The following ERBB4 variants were observed in gnomAD, a reference collection of about 807,000 sequenced individuals.
ERBB4 encodes erb-b2 receptor tyrosine kinase 4.
In ERBB4, 42 loss-of-function variants were observed where a neutral mutation model predicts 158.0. The ratio of observed to expected loss-of-function variants is 0.27; its 90% CI spans 0.21 to 0.34. ERBB4 has a LOEUF of 0.34. ERBB4 is among the 10% of genes least tolerant of loss of function. ERBB4 has a pLI of 1.00. For missense variants in ERBB4, 1,333 were observed against 1,624.1 expected (o/e 0.82, Z 3.08); for synonymous variants, 583 against 558.7 (o/e 1.04, Z -0.61).
At chr2:212,142,560 G>T (rs942636754) in intron 1 of ERBB4, among the ~76,000 whole-genome samples, 1 of 146,716 alleles carries the variant, frequency 6.8e-6, no homozygotes, top group South Asian at 2.1e-4. Flanking sequence ...ACTCAGAAAA[G>T]GTCAAACAGT....
intron 1 of ERBB4, among the ~76,000 whole-genome samples, chr2:212,366,130 C>A (rs1266000331): frequency 6.6e-6 from 1 of 151,768 alleles, no homozygotes; most frequent in African/African-American, 2.4e-5. Context: ...ATTTGATTGG[C>A]AAAATCTGCT....
At chr2:212,183,100 G>A (rs1042544754) in intron 1 of ERBB4, among the ~76,000 whole-genome samples, 4 of 151,856 alleles carry the variant, frequency 2.6e-5, no homozygotes, top group Non-Finnish European at 4.4e-5. Context: ...AAGTTAAAAC[G>A]ATGTTTTAAG....
At chr2:211,853,157 T>A (rs2077760140) in intron 3 of ERBB4, among the ~76,000 whole-genome samples, 1 of 151,988 alleles carries the variant, frequency 6.6e-6, no homozygotes. Flanking sequence ...AGCTTCCCAA[T>A]GCTTATATGG....
intron 3 of ERBB4, among the ~76,000 whole-genome samples, chr2:211,821,704 G>A (rs557922783): frequency 6.6e-6 from 1 of 152,024 alleles, no homozygotes; most frequent in African/African-American, 2.4e-5. Context: ...ATTAATTCAT[G>A]TATCTACAGC....
chr2:211,942,441 C>T (rs192017300), intron 3 of ERBB4, among the ~76,000 whole-genome samples: 53 of 151,910 alleles, frequency 3.5e-4, no homozygotes, highest in African/African-American at 1.2e-3. Flanking sequence ...ACTGCAGCCT[C>T]GACCTTCCAG....
intron 1 of ERBB4, among the ~76,000 whole-genome samples, chr2:212,446,577 C>A (rs1207260151): frequency 2.8e-4 from 10 of 36,058 alleles, no homozygotes; most frequent in South Asian, 2.0e-3. Flanking sequence ...TAATAAACTC[C>A]CATATATATA....
chr2:211,955,498 T>C (rs768908118), intron 2 of ERBB4, among the ~76,000 whole-genome samples: 5 of 152,136 alleles, frequency 3.3e-5, no homozygotes, highest in Non-Finnish European at 7.4e-5. Flanking sequence ...ATAGACTTAT[T>C]ACACTAGAGT....
chr2:212,402,673 G>T (rs188380501), intron 1 of ERBB4, among the ~76,000 whole-genome samples: 1 of 151,968 alleles, frequency 6.6e-6, no homozygotes, highest in East Asian at 1.9e-4. Context: ...CTCTTAAAAT[G>T]TTCAATTAAA....
chr2:212,052,583 C>G (rs1240434675), intron 2 of ERBB4, among the ~76,000 whole-genome samples: 1 of 152,176 alleles, frequency 6.6e-6, no homozygotes, highest in East Asian at 1.9e-4. Flanking sequence ...AAATGTGAAA[C>G]CAGCCCAGTT....
intron 2 of ERBB4, among the ~76,000 whole-genome samples, chr2:212,015,335 C>T (rs547948920): frequency 6.6e-6 from 1 of 151,850 alleles, no homozygotes; most frequent in Non-Finnish European, 1.5e-5. Flanking sequence ...CAACAGAGAT[C>T]TTTTTCTAAA....
At chr2:211,526,108 G>T (rs2066341419) in intron 20 of ERBB4, among the ~76,000 whole-genome samples, 1 of 152,106 alleles carries the variant, frequency 6.6e-6, no homozygotes, top group South Asian at 2.1e-4. Context: ...AACATAGGTG[G>T]TAACAAGGTA....
chr2:212,472,583 A>G (rs73989013), intron 1 of ERBB4, among the ~76,000 whole-genome samples: 10,840 of 151,862 alleles, frequency 0.071, 905 homozygotes, highest in African/African-American at 0.2. Context: ...AAATGCAGAG[A>G]GGTAGAAAGT....
intron 4 of ERBB4, among the ~76,000 whole-genome samples, chr2:211,773,616 A>G (rs1334550940): frequency 5.8e-5 from 3 of 52,108 alleles, no homozygotes; most frequent in Admixed American, 3.1e-4. Flanking sequence ...ATATATATAT[A>G]TATATATATA....
chr2:211,850,989 TCTGC>T (rs1188128679), intron 3 of ERBB4, among the ~76,000 whole-genome samples: 2 of 152,022 alleles, frequency 1.3e-5, no homozygotes, highest in Non-Finnish European at 2.9e-5. Flanking sequence ...TTGACTCTGC[TCTGC>T]CTGATAGTCA....
At position 211,377,362 on chromosome 2, in the gene ERBB4, C is replaced by T. The variant is rs1574492053; in HGVS notation, c.*6253G>A. On this transcript the variant is annotated 3_prime_UTR_variant, in exon 28 of 28. Transcript: ENST00000342788. ...TTTGGACAAGTTAGACTATTGCCTACAGGTATGAATCTTTGTTTTCCTATA... is the reference window on the plus strand; with the variant it reads ...TTTGGACAAGTTAGACTATTGCCTATAGGTATGAATCTTTGTTTTCCTATA... 1 of 233,018 alleles carries T rather than the reference C, an allele frequency of 4.3e-6. No individual in the cohort carries two copies. Among genetic ancestry groups the T allele is most frequent in the East Asian group, 6.1e-5 (1 of 16,510 alleles). The allele number at this position is 233,018 out of a possible 1,614,324, so 14.4% of individuals were successfully genotyped here.
intron 12 of ERBB4, among the ~76,000 whole-genome samples, chr2:211,681,653 A>G (rs115185774): frequency 0.028 from 4,298 of 152,132 alleles, 167 homozygotes; most frequent in African/African-American, 0.085. Context: ...TTATTTTTAC[A>G]TATCTCGTTT....
intron 1 of ERBB4, among the ~76,000 whole-genome samples, chr2:212,337,473 C>T (rs868733930): frequency 6.6e-6 from 1 of 152,142 alleles, no homozygotes; most frequent in South Asian, 2.1e-4. Flanking sequence ...TTGTAGATGG[C>T]ACCTGTTTCT....
At chr2:211,812,463 G>C (rs1212970396) in intron 3 of ERBB4, among the ~76,000 whole-genome samples, 2 of 152,190 alleles carry the variant, frequency 1.3e-5, no homozygotes, top group African/African-American at 4.8e-5. Flanking sequence ...GGCCCCTACT[G>C]GGAGGTGTCT....
chr2:212,089,432 C>T (rs1274238512), intron 2 of ERBB4, among the ~76,000 whole-genome samples: 1 of 152,112 alleles, frequency 6.6e-6, no homozygotes, highest in Non-Finnish European at 1.5e-5. Context: ...ACTGAAATCT[C>T]ATGTCAAATT....
Sources: gnomAD v4.1 joint callset for allele counts (sites outside exome capture counted in the v4.1 genomes callset) on GRCh38, gnomAD v4.1.1 for gene constraint, MANE v1.5 for transcripts, NCBI Gene and HGNC (gene_info 2026-07-23, HGNC 2026-07-21) for gene names.